Variants in PKHD1L1 observed in about 807,000 individuals in gnomAD.
PKHD1L1 encodes the protein PKHD1 like 1, also known as fibrocystin-L.
A neutral mutation model predicts 462.9 loss-of-function variants in PKHD1L1; 434 were observed. That is an observed-to-expected ratio of 0.94 (90% CI 0.87 to 1.02). The LOEUF is 1.02. PKHD1L1 is among the 50% of genes least tolerant of loss of function. The pLI, the probability that PKHD1L1 is intolerant of heterozygous loss-of-function variation, is 0.00. For synonymous variants in PKHD1L1, 1,781 were observed against 1,750.0 expected (o/e 1.02, Z -0.44); for missense variants, 5,202 against 5,096.1 (o/e 1.02, Z -0.63).
At chr8:109,371,331 G>A (rs1488926133) in intron 2 of PKHD1L1, among the ~76,000 whole-genome samples, 3 of 152,052 alleles carry the variant, frequency 2.0e-5, no homozygotes, top group East Asian at 1.9e-4. Context: ...CATATCCTTT[G>A]CCCACTTTTT....
Position 109,459,652 on chromosome 8 carries a change from A to G in PKHD1L1, c.7062A>G (p.Ile2354Met). The change falls in exon 47 of 78, where the codon ATA (isoleucine) becomes ATG (methionine). Residue 2354 changes from isoleucine (I) to methionine (M), a missense_variant. Coordinates refer to ENST00000378402, the MANE Select transcript of PKHD1L1 (RefSeq NM_177531.6). Reference sequence around the variant, plus strand: ...TTGCATCTGTGTCTGCTGATGGCATAAACATAACACTAAGTAACCCACTAA... The same window carrying G: ...TTGCATCTGTGTCTGCTGATGGCATGAACATAACACTAAGTAACCCACTAA... ...MTIASVSADGINITLSNPLNY... is the reference protein window; with the variant it reads ...MTIASVSADGMNITLSNPLNY... 6.2e-7 allele frequency: 1 copy of G among 1,604,940 alleles called. No individual in the cohort carries two copies. Among genetic ancestry groups the G allele is most frequent in the Non-Finnish European group, 8.5e-7 (1 of 1,175,124 alleles).
intron 50 of PKHD1L1, among the ~76,000 whole-genome samples, chr8:109,468,165 G>A (rs1817547409): frequency 6.6e-6 from 1 of 152,152 alleles, no homozygotes; most frequent in Admixed American, 6.5e-5. Flanking sequence ...CATGACAGCT[G>A]CTAAAATTAC....
intron 3 of PKHD1L1, among the ~76,000 whole-genome samples, chr8:109,382,159 G>A (rs1367639387): frequency 6.6e-6 from 1 of 151,736 alleles, no homozygotes; most frequent in Admixed American, 6.6e-5. Flanking sequence ...GAGGTGATAT[G>A]TTACTATTTT....
intron 50 of PKHD1L1, among the ~76,000 whole-genome samples, chr8:109,468,359 T>A (rs541601876): frequency 6.6e-6 from 1 of 152,326 alleles, no homozygotes; most frequent in South Asian, 2.1e-4. Flanking sequence ...CATAATAGCT[T>A]TCTTGTTAAG....
intron 2 of PKHD1L1, among the ~76,000 whole-genome samples, chr8:109,378,708 T>C (rs1408932273): frequency 2.0e-5 from 3 of 152,212 alleles, no homozygotes; most frequent in Non-Finnish European, 4.4e-5. Flanking sequence ...ATGATCAGTA[T>C]ACACAGTTGC....
chr8:109,518,654 T>C, intron 73 of PKHD1L1, 146 bp downstream of exon 73: 1 of 617,612 alleles, frequency 1.6e-6, no homozygotes, highest in Non-Finnish European at 2.7e-6. Flanking sequence ...AGACCCTTTT[T>C]CCTTCTTTGC....
rs760897081 is a variant in PKHD1L1, at chr8:109,493,664, AAT to A, written c.10242_10243del (p.Asn3414LysfsTer10). ...STLWHAAIEI[N>X]RGTNTVLQNN... is the part of the protein sequence containing the mutation. Reference sequence around the variant, plus strand: ...TTTTTTTTAATCATTGCACTAGATAAATAGAGGGACCAATACAGTTTTACAGA... The same window carrying A: ...TTTTTTTTAATCATTGCACTAGATAAAGAGGGACCAATACAGTTTTACAGA... On this transcript the variant is annotated frameshift_variant, in exon 63 of 78. Coordinates refer to ENST00000378402, the MANE Select transcript of PKHD1L1 (RefSeq NM_177531.6). LOFTEE classifies it high-confidence loss of function. The A allele has an allele frequency of 6.3e-7, 1 of 1,595,318 alleles. No homozygotes were observed. Among genetic ancestry groups the A allele is most frequent in the African/African-American group, 1.3e-5 (1 of 74,372 alleles).
Position 109,435,281 on chromosome 8 carries a change from AG to A in PKHD1L1, c.3437del (p.Gly1146ValfsTer22). 1 of 1,613,910 alleles carries A rather than the reference AG, an allele frequency of 6.2e-7. No individual in the cohort carries two copies. The highest frequency in any genetic ancestry group is 8.5e-7 in the Non-Finnish European group (1 of 1,179,804). On this transcript the variant is annotated frameshift_variant, in exon 29 of 78. Transcript: ENST00000378402. LOFTEE classifies it high-confidence loss of function. ...MADVGLAQNV[G>X]GEEFYFVYQS... Reference sequence around the variant, plus strand: ...CTGATGTTGGACTAGCACAGAATGTAGGGGGTGAAGAGTTCTACTTTGTTTA... The same window carrying A: ...CTGATGTTGGACTAGCACAGAATGTAGGGGTGAAGAGTTCTACTTTGTTTA...
rs2130740051 is a variant in PKHD1L1 at position 109,441,280 on chromosome 8, A to G, written c.4105A>G (p.Ile1369Val). ...GCAGTATTTATTCTTTCTAGGGTCC[A>G]TCCCTTGCAATGTTACATCATCATC... The part of the protein sequence containing the change: ...PAENTVLLGS[I>V]PCNVTSSSEN... Residue 1369 changes from isoleucine (I) to valine (V), a missense_variant, in exon 34 of 78, where the codon ATC (isoleucine) becomes GTC (valine). Ile to Val is a conservative substitution (Grantham distance 29). This residue lies in a region of PKHD1L1 where 4,497 missense variants were observed against 4,336.8 expected (regional missense o/e 1.04). Coordinates refer to ENST00000378402, the MANE Select transcript of PKHD1L1 (RefSeq NM_177531.6). The G allele has an allele frequency of 4.5e-6, 7 of 1,562,330 alleles. No individual in the cohort carries two copies. The highest frequency in any genetic ancestry group is 6.1e-6 in the Non-Finnish European group (7 of 1,147,688).
chr8:109,421,710 G>A (rs1236332802), intron 23 of PKHD1L1, among the ~76,000 whole-genome samples: 2 of 152,174 alleles, frequency 1.3e-5, no homozygotes, highest in Admixed American at 6.5e-5. Flanking sequence ...CGTGAACCCG[G>A]GAGGCGGAGC....
At chr8:109,465,392 A>G in intron 49 of PKHD1L1, 147 bp downstream of exon 49, 5 of 863,252 alleles carry the variant, frequency 5.8e-6, no homozygotes, top group Admixed American at 3.0e-5. Context: ...AGAGGCAAGC[A>G]CCAGGCACAG....
intron 23 of PKHD1L1, among the ~76,000 whole-genome samples, chr8:109,423,328 G>A (rs901464243): frequency 6.6e-6 from 1 of 151,888 alleles, no homozygotes; most frequent in Non-Finnish European, 1.5e-5. Flanking sequence ...GTGATTTTTC[G>A]TTGAGGTTCA....
chr8:109,419,088 G>A lies in PKHD1L1; in HGVS notation c.2361-9G>A, dbSNP rs376804668. ...GATCTATACAACAAATTAATCAACCGTATTTCAGCTGGACTTACACTTGCA... is the reference window on the plus strand; with the variant it reads ...GATCTATACAACAAATTAATCAACCATATTTCAGCTGGACTTACACTTGCA... On this transcript the variant is annotated splice_polypyrimidine_tract_variant and intron_variant, in intron 21 of 77. Transcript: ENST00000378402. 1.1e-5 allele frequency: 17 copies of A among 1,607,386 alleles called. No individual in the cohort carries two copies. The highest frequency in any genetic ancestry group is 4.5e-5 in the East Asian group (2 of 44,792).
intron 55 of PKHD1L1, among the ~76,000 whole-genome samples, chr8:109,480,944 A>G (rs1236891594): frequency 6.6e-6 from 1 of 151,924 alleles, no homozygotes; most frequent in East Asian, 1.9e-4. Context: ...CACCTGTGAA[A>G]TAAGGATAAT....
chr8:109,522,813 G>T lies in PKHD1L1; in HGVS notation c.12253G>T (p.Val4085Leu). 4 of 1,612,436 alleles carry T rather than the reference G, an allele frequency of 2.5e-6. No homozygotes were observed. Among genetic ancestry groups the T allele is most frequent in the Non-Finnish European group, 2.5e-6 (3 of 1,179,454 alleles). The change falls in exon 75 of 78, where the codon GTG (valine) becomes TTG (leucine). Residue 4085 changes from valine to leucine, a missense_variant. Transcript: ENST00000378402. ...HHVAFVSSLL[V>L]ITQPVAAQPG... ...CGTGGCCTTCGTGTCCTCACTCTTA[G>T]TGATCACTCAGCCGGTGGCAGCACA... is the stretch of plus-strand genomic sequence containing the variant.
In PKHD1L1 at chr8:109,427,016, G is replaced by C; in HGVS notation, c.2860G>C (p.Val954Leu). Residue 954 changes from valine (V) to leucine (L), a missense_variant, in exon 25 of 78, where the codon GTG becomes CTG. Physicochemically the swap from Val to Leu is conservative, Grantham distance 32 (BLOSUM62 1). Around this residue, in one of 3 missense-constraint regions of PKHD1L1, gnomAD observed 4,497 missense variants for 4,336.8 expected, o/e 1.04. Coordinates refer to ENST00000378402, the MANE Select transcript of PKHD1L1 (RefSeq NM_177531.6). ...GHILKGLPAA[V>L]SAADLQFALQ... ...TGTGAGTGCAGGCCTCCCCGCTGCT[G>C]TGTCAGCTGCAGATCTGCAGTTTGC... 1.3e-6 allele frequency: 2 copies of C among 1,575,606 alleles called. No homozygotes were observed. The highest frequency in any genetic ancestry group is 8.7e-7 in the Non-Finnish European group (1 of 1,144,974).
intron 21 of PKHD1L1, among the ~76,000 whole-genome samples, chr8:109,415,864 G>GGGGGTGT (rs1412111334): frequency 1.0e-5 from 1 of 100,408 alleles, no homozygotes; most frequent in African/African-American, 3.5e-5. Context: ...AAAAAAAAGG[G>GGGGGTGT]GTGTGTGTGT....
rs79612261 is a variant in PKHD1L1, at chr8:109,486,688, G to A, written c.9747G>A (p.Thr3249=). The part of the protein sequence containing the change: ...YHVPGTGESY[T]LAADVGILSR... ...TCCCTGGAACTGGTGAGAGCTACACGTTAGCAGCTGATGTTGGGATACTGA... is the reference window on the plus strand; with the variant it reads ...TCCCTGGAACTGGTGAGAGCTACACATTAGCAGCTGATGTTGGGATACTGA... The change falls in exon 59 of 78, where the codon ACG becomes ACA. Residue 3249 remains threonine (T), a synonymous_variant. Coordinates refer to ENST00000378402, the MANE Select transcript of PKHD1L1 (RefSeq NM_177531.6). 4.4e-3 allele frequency: 7,138 copies of A among 1,612,236 alleles called. 265 individuals are homozygous for A. In the African/African-American group the frequency reaches 0.084, roughly 19 times the overall value.
At chr8:109,365,238 A>C (rs922822696) in intron 2 of PKHD1L1, among the ~76,000 whole-genome samples, 6 of 152,222 alleles carry the variant, frequency 3.9e-5, no homozygotes, top group South Asian at 2.1e-4. Context: ...TCTTTCAGCC[A>C]TAAGACCTTT....
Sources: allele counts gnomAD v4.1 joint callset (sites outside exome capture counted in the v4.1 genomes callset), GRCh38; gene constraint gnomAD v4.1.1; regional missense constraint gnomAD v4.1.1; transcripts MANE v1.5; gene names NCBI Gene and HGNC (gene_info 2026-07-23, HGNC 2026-07-21).